Variants in ZNF684 observed in about 807,000 individuals in gnomAD.
The protein encoded by ZNF684 is hypothetical protein MGC27466.
A neutral mutation model predicts 12.8 loss-of-function variants in ZNF684; 13 were observed. That is an observed-to-expected ratio of 1.02 (90% confidence interval 0.66 to 1.62). The LOEUF is 1.62. ZNF684 is among the 40% of genes most tolerant of loss of function. The probability of loss-of-function intolerance (pLI) is 0.00; values close to 1 mark genes in which losing one functional copy is unlikely to be tolerated. For synonymous variants in ZNF684, 118 were observed against 151.8 expected (o/e 0.78, Z 1.64); for missense variants, 384 against 446.9 (o/e 0.86, Z 1.27).
At chr1:40,538,473 T>A (rs1163332591) in intron 2 of ZNF684, among the ~76,000 whole-genome samples, 2 of 152,226 alleles carry the variant, frequency 1.3e-5, no homozygotes, top group African/African-American at 4.8e-5. Flanking sequence ...TGAACATTTG[T>A]CTGTGGGTTT....
chr1:40,540,792 T>G (rs898117819), intron 3 of ZNF684, 80 bp downstream of exon 3: 2 of 1,333,296 alleles, frequency 1.5e-6, no homozygotes, highest in Non-Finnish European at 2.0e-6. Context: ...TGGGAACGTT[T>G]GCCAATTGTG....
chr1:40,541,304 C>T (rs1229615405), intron 3 of ZNF684: 1 of 196,446 alleles, frequency 5.1e-6, no homozygotes, highest in Non-Finnish European at 1.1e-5. Context: ...CTGCCTCAGC[C>T]TCCCGAGTAG....
At position 40,546,923 on chromosome 1, in the gene ZNF684, A is replaced by G; in HGVS notation, c.600A>G (p.Ala200=). Residue 200 remains alanine, a synonymous_variant, in exon 5 of 5, where the codon GCA becomes GCG. Transcript: ENST00000372699. The part of the protein sequence containing the change: ...NDCGKAYSRK[A]HLATHQKIHN... ...GTGGAAAAGCCTATAGCAGGAAGGC[A>G]CACCTTGCAACTCATCAGAAAATTC... 1 of 1,614,214 alleles carries G rather than the reference A, an allele frequency of 6.2e-7. No individual in the cohort carries two copies. The highest frequency in any genetic ancestry group is 8.5e-7 in the Non-Finnish European group (1 of 1,180,040).
chr1:40,542,766 C>T (rs1473913116), intron 4 of ZNF684, among the ~76,000 whole-genome samples: 1 of 152,160 alleles, frequency 6.6e-6, no homozygotes, highest in Non-Finnish European at 1.5e-5. Flanking sequence ...AGTCTCAAAA[C>T]CACTGCATTA....
chr1:40,533,867 A>G (rs369293233), intron 2 of ZNF684, among the ~76,000 whole-genome samples: 215 of 128,926 alleles, frequency 1.7e-3, no homozygotes, highest in African/African-American at 6.4e-3. Context: ...TCTGTTGCCT[A>G]GGCTGGAGTA....
chr1:40,547,567 G>C lies in ZNF684; in HGVS notation c.*107G>C. On this transcript the variant is annotated 3_prime_UTR_variant, in exon 5 of 5. Transcript: ENST00000372699. The stretch of plus-strand genomic sequence containing the variant: ...CTACAATTTAAATGAATTTGGAAGA[G>C]TAGATTCCCATAAAAAACAACCAAT... The C allele has an allele frequency of 9.1e-7, 1 of 1,096,686 alleles. No individual in the cohort carries two copies. The highest frequency in any genetic ancestry group is 1.2e-6 in the Non-Finnish European group (1 of 805,338). The allele number at this position is 1,096,686 out of a possible 1,614,324, so 67.9% of individuals were successfully genotyped here. A position where few individuals can be genotyped will look rare whatever the true frequency, so the allele number is the denominator to read the frequency against.
At chr1:40,537,412 A>G (rs1262365067) in intron 2 of ZNF684, among the ~76,000 whole-genome samples, 1 of 152,200 alleles carries the variant, frequency 6.6e-6, no homozygotes, top group Admixed American at 6.5e-5. Context: ...TTATTGAAAT[A>G]TAATTATCAT....
chr1:40,533,057 A>T (rs772593898), intron 1 of ZNF684, 86 bp from the exon 2 acceptor site: 185 of 1,113,256 alleles, frequency 1.7e-4, no homozygotes, highest in Non-Finnish European at 1.4e-4. Flanking sequence ...GTGGGTACTT[A>T]TGGTCTGATA....
rs771868528 is a variant in ZNF684 at position 40,546,640 on chromosome 1, CAT to C, written c.318_319del (p.Phe107GlnfsTer2). 1 of 1,601,034 alleles carries C rather than the reference CAT, an allele frequency of 6.2e-7. No individual in the cohort carries two copies. The highest frequency in any genetic ancestry group is 1.3e-5 in the African/African-American group (1 of 74,194). ...AATTTTTTGAAGTCAGTTTTGCTCA[CAT>C]TCAATAAAATTCTGACTATGGAGAG... On this transcript the variant is annotated frameshift_variant, in exon 5 of 5. Coordinates refer to ENST00000372699, the MANE Select transcript of ZNF684 (RefSeq NM_152373.4). LOFTEE classifies it low-confidence loss of function (END_TRUNC).
rs958359842 is a variant in ZNF684 at position 40,531,678 on chromosome 1, C to T, written c.-134C>T. On this transcript the variant is annotated 5_prime_UTR_variant, in exon 1 of 5. Transcript: ENST00000372699. ...GGTAGCCGGTATTCAATCTTCAAATCAGCGCCGCGGGAAGTGCGGGCGGGT... is the reference window on the plus strand; with the variant it reads ...GGTAGCCGGTATTCAATCTTCAAATTAGCGCCGCGGGAAGTGCGGGCGGGT... The T allele has an allele frequency of 6.6e-6, 1 of 152,242 alleles. No homozygotes were observed. Among genetic ancestry groups the T allele is most frequent in the Non-Finnish European group, 1.5e-5 (1 of 68,074 alleles). 9.4% of individuals were successfully genotyped at this position (152,242 alleles called of 1,614,324 possible). A position where few individuals can be genotyped will look rare whatever the true frequency, so the allele number is the denominator to read the frequency against.
Position 40,531,714 on chromosome 1 carries a change from T to G in ZNF684, c.-98T>G, listed in dbSNP as rs1344652923. ...GAAGTGCGGGCGGGTGTTGCTCCCC[T>G]GTCTCTGGACGACGCTGTGACTGAT... On this transcript the variant is annotated 5_prime_UTR_variant, in exon 1 of 5. Coordinates refer to ENST00000372699, the MANE Select transcript of ZNF684 (RefSeq NM_152373.4). 3.9e-5 allele frequency: 6 copies of G among 152,288 alleles called. No individual in the cohort carries two copies. The highest frequency in any genetic ancestry group is 3.9e-4 in the Admixed American group (6 of 15,280). The allele number at this position is 152,288 out of a possible 1,614,324, so 9.4% of individuals were successfully genotyped here.
intron 4 of ZNF684, among the ~76,000 whole-genome samples, chr1:40,543,851 A>C (rs1182435672): frequency 2.0e-5 from 3 of 152,004 alleles, no homozygotes; most frequent in Non-Finnish European, 4.4e-5. Context: ...TTCCTCTTTC[A>C]TTGTAACTCC....
rs80138307 is a variant in ZNF684 at position 40,543,623 on chromosome 1, A to G, written c.238+1913A>G. 3.3e-3 allele frequency among the ~76,000 whole-genome samples: 499 copies of G among 152,012 alleles called. 14 individuals carry two copies. In the East Asian group the frequency reaches 0.071, roughly 22 times the overall value. ...AGGTGCCCACCACCACACCCAGCTA[A>G]TTTTTGGTACTTTTAGTAGAGACGG... On this transcript the variant is annotated intron_variant, in intron 4 of 4. Coordinates refer to ENST00000372699, the MANE Select transcript of ZNF684 (RefSeq NM_152373.4).
At chr1:40,546,461 C>A (rs1176811609) in intron 4 of ZNF684, 101 bp from the exon 5 acceptor site, 9 of 1,191,866 alleles carry the variant, frequency 7.6e-6, no homozygotes, top group Non-Finnish European at 1.0e-5. Context: ...TATAAGATTT[C>A]TTTCAGAATG....
intron 2 of ZNF684, among the ~76,000 whole-genome samples, chr1:40,533,751 C>T (rs1645969628): frequency 6.6e-6 from 1 of 151,570 alleles, no homozygotes; most frequent in African/African-American, 2.4e-5. Flanking sequence ...AGCATTTACT[C>T]TTCTACATGA....
chr1:40,537,928 G>A (rs1645994024), intron 2 of ZNF684, among the ~76,000 whole-genome samples: 1 of 151,852 alleles, frequency 6.6e-6, no homozygotes, highest in Non-Finnish European at 1.5e-5. Flanking sequence ...TCTTTCTATG[G>A]CTTTTCTCTT....
At chr1:40,538,664 C>T (rs1205035748) in intron 2 of ZNF684, among the ~76,000 whole-genome samples, 1 of 151,502 alleles carries the variant, frequency 6.6e-6, no homozygotes, top group East Asian at 2.0e-4. Flanking sequence ...TTGAGAGCAG[C>T]CTGGCCAATG....
chr1:40,538,719 G>A (rs928791498), intron 2 of ZNF684, among the ~76,000 whole-genome samples: 8 of 152,046 alleles, frequency 5.3e-5, no homozygotes, highest in African/African-American at 1.9e-4. Context: ...TCAGTGATGT[G>A]CACCTATAAT....
chr1:40,532,561 G>A (rs1264342976), intron 1 of ZNF684, among the ~76,000 whole-genome samples: 2 of 151,634 alleles, frequency 1.3e-5, no homozygotes, highest in African/African-American at 2.4e-5. Flanking sequence ...CCTTTCTAGA[G>A]CCCCAGCAGT....
Sources: allele counts gnomAD v4.1 joint callset (sites outside exome capture counted in the v4.1 genomes callset), GRCh38; gene constraint gnomAD v4.1.1; transcripts MANE v1.5; gene names NCBI Gene and HGNC (gene_info 2026-07-23, HGNC 2026-07-21).